Variants in PCDH15 observed in about 807,000 individuals in gnomAD.
PCDH15 encodes the protein protocadherin related 15, also known as protocadherin-15.
Under a neutral mutation model 178.5 loss-of-function variants are expected in PCDH15, and 129 were observed. The observed-to-expected ratio is 0.72, with a 90% CI of 0.63 to 0.84. PCDH15 has a LOEUF of 0.84. PCDH15 is among the 40% of genes least tolerant of loss of function. The pLI, the probability that PCDH15 is intolerant of heterozygous loss-of-function variation, is 0.00. For missense variants in PCDH15, 2,230 were observed against 2,099.9 expected, an observed-to-expected ratio of 1.06 and a Z score of -1.21; for synonymous variants, 800 against 732.0, an observed-to-expected ratio of 1.09 and a Z score of -1.50.
chr10:54,570,106 A>G (rs1006595748), intron 2 of PCDH15, among the ~76,000 whole-genome samples: 2 of 151,720 alleles, frequency 1.3e-5, no homozygotes, highest in Non-Finnish European at 2.9e-5. Flanking sequence ...CTGTCTCGGG[A>G]GTATGTAATT....
At chr10:54,047,134 C>T (rs1041511747) in intron 18 of PCDH15, among the ~76,000 whole-genome samples, 2 of 151,984 alleles carry the variant, frequency 1.3e-5, no homozygotes, top group African/African-American at 2.4e-5. Context: ...CTTGGTATTG[C>T]TTCTTGGATA....
At chr10:53,906,877 T>G (rs2133716103) in intron 25 of PCDH15, 1 of 152,094 alleles carries the variant, frequency 6.6e-6, no homozygotes, top group Admixed American at 6.5e-5. Flanking sequence ...ACACATTACC[T>G]GACTGTCCTA....
At chr10:54,326,498 G>A (rs1938135999) in intron 7 of PCDH15, among the ~76,000 whole-genome samples, 1 of 152,056 alleles carries the variant, frequency 6.6e-6, no homozygotes, top group South Asian at 2.1e-4. Context: ...CTGTAATAAT[G>A]TCTCAATATA....
intron 2 of PCDH15, among the ~76,000 whole-genome samples, chr10:55,467,966 CAAAAAAAAAAAAAA>C (rs71463104): frequency 2.7e-5 from 1 of 36,642 alleles, no homozygotes; most frequent in South Asian, 1.2e-3. Context: ...GACTCCGTCT[CAAAAAAAAAAAAAA>C]AAAAAAAAAA....
At chr10:54,073,784 A>G (rs2094290446) in intron 17 of PCDH15, among the ~76,000 whole-genome samples, 1 of 152,192 alleles carries the variant, frequency 6.6e-6, no homozygotes, top group African/African-American at 2.4e-5. Flanking sequence ...GCTACAGAAT[A>G]ACTTCACATT....
At chr10:55,230,371 C>G (rs1330946197) in intron 1 of PCDH15, among the ~76,000 whole-genome samples, 2 of 151,996 alleles carry the variant, frequency 1.3e-5, no homozygotes, top group South Asian at 2.1e-4. Context: ...TGGTGTAATA[C>G]TCTTCTTCAG....
At chr10:53,974,540 T>G (rs1309829749) in intron 21 of PCDH15, among the ~76,000 whole-genome samples, 1 of 152,168 alleles carries the variant, frequency 6.6e-6, no homozygotes, top group Non-Finnish European at 1.5e-5. Context: ...TTCTATTTAT[T>G]TGTGAAATAC....
At chr10:55,395,910 T>C (rs1003019916) in intron 2 of PCDH15, among the ~76,000 whole-genome samples, 3 of 152,110 alleles carry the variant, frequency 2.0e-5, no homozygotes, top group African/African-American at 7.2e-5. Flanking sequence ...ATATAAAAGA[T>C]AATTAAAATT....
At chr10:55,091,618 T>A (rs547429293) in intron 2 of PCDH15, among the ~76,000 whole-genome samples, 115 of 151,942 alleles carry the variant, frequency 7.6e-4, no homozygotes, top group Admixed American at 1.6e-3. Context: ...TTTTCCTACT[T>A]CTGTGAAAGG....
At chr10:53,920,852 G>A (rs990358610) in intron 25 of PCDH15, among the ~76,000 whole-genome samples, 30 of 152,172 alleles carry the variant, frequency 2.0e-4, no homozygotes, top group Admixed American at 3.9e-4. Context: ...GGATTTACTC[G>A]TGAAGATTCA....
chr10:54,492,575 C>T (rs1249844741), intron 3 of PCDH15, among the ~76,000 whole-genome samples: 1 of 152,084 alleles, frequency 6.6e-6, no homozygotes, highest in Non-Finnish European at 1.5e-5. Context: ...ATGGATAATT[C>T]TAGAAATAAA....
chr10:53,891,136 G>A (rs1282639253), intron 26 of PCDH15, among the ~76,000 whole-genome samples: 1 of 98,344 alleles, frequency 1.0e-5, no homozygotes, highest in African/African-American at 3.2e-5. Flanking sequence ...TGTCAGGTCA[G>A]TACAGCACAA....
Position 55,360,940 on chromosome 10 carries a change from G to T in PCDH15, c.-155-194289C>A, listed in dbSNP as rs116817958. On this transcript the variant is annotated intron_variant, in intron 2 of 5. Transcript: ENST00000613346. ...CTCAAACTGGAAACAACCCAAATAC[G>T]TATTCAGAATAAACTGATGAATAAA... 5.6e-3 allele frequency among the ~76,000 whole-genome samples: 853 copies of T among 151,988 alleles called. 10 individuals carry two copies. Among genetic ancestry groups the T allele is most frequent in the African/African-American group, 0.02 (814 of 41,510 alleles).
intron 2 of PCDH15, among the ~76,000 whole-genome samples, chr10:54,540,146 A>G (rs2085046805): frequency 2.0e-5 from 3 of 152,164 alleles, no homozygotes; most frequent in African/African-American, 4.8e-5. Flanking sequence ...ATAAATAACT[A>G]AAATCAGGGC....
chr10:54,542,934 G>A (rs1175705269), intron 2 of PCDH15, among the ~76,000 whole-genome samples: 1 of 152,146 alleles, frequency 6.6e-6, no homozygotes, highest in Non-Finnish European at 1.5e-5. Context: ...AATACAGGTG[G>A]ATGTGGTGAG....
intron 16 of PCDH15, among the ~76,000 whole-genome samples, chr10:54,084,082 ACT>A (rs112026800): frequency 4.0e-5 from 2 of 49,486 alleles, no homozygotes; most frequent in African/African-American, 3.5e-4. Flanking sequence ...TTTAATGTGC[ACT>A]TTTTTTTTTT....
chr10:55,362,015 C>T (rs996778961), intron 2 of PCDH15, among the ~76,000 whole-genome samples: 25 of 152,104 alleles, frequency 1.6e-4, no homozygotes, highest in African/African-American at 4.8e-4. Flanking sequence ...ATATAAACAG[C>T]GGCACAGTCA....
At chr10:55,503,229 C>A (rs1840692852) in intron 2 of PCDH15, among the ~76,000 whole-genome samples, 1 of 150,862 alleles carries the variant, frequency 6.6e-6, no homozygotes, top group Non-Finnish European at 1.5e-5. Context: ...CAAAGTTTTA[C>A]AATTAACAAA....
intron 2 of PCDH15, among the ~76,000 whole-genome samples, chr10:54,958,255 A>G (rs1838544643): frequency 6.6e-6 from 1 of 151,558 alleles, no homozygotes; most frequent in African/African-American, 2.4e-5. Flanking sequence ...TCTCTTGGTA[A>G]TTTGTCTTTT....
Sources: allele counts gnomAD v4.1 joint callset (sites outside exome capture counted in the v4.1 genomes callset), GRCh38; gene constraint gnomAD v4.1.1; transcripts MANE v1.5; gene names NCBI Gene and HGNC (gene_info 2026-07-23, HGNC 2026-07-21).